The following NEO1 variants were observed in gnomAD, a reference collection of about 807,000 sequenced individuals.
The protein encoded by NEO1 is neogenin 1, also known as neogenin.
NEO1 carries 63 observed loss-of-function variants against 159.7 expected under a neutral mutation model. The observed-to-expected ratio is 0.39, with a 90% CI of 0.32 to 0.49. NEO1 has a LOEUF of 0.49. NEO1 is among the 20% of genes least tolerant of loss of function. The pLI is 0.85. For missense variants in NEO1, 1,615 were observed against 1,831.0 expected, an observed-to-expected ratio of 0.88 and a Z score of 2.15; for synonymous variants, 633 against 662.0, an observed-to-expected ratio of 0.96 and a Z score of 0.67.
intron 7 of NEO1, among the ~76,000 whole-genome samples, chr15:73,204,591 T>C (rs982658002): frequency 2.0e-5 from 3 of 152,202 alleles, no homozygotes; most frequent in Non-Finnish European, 4.4e-5. Context: ...GCATGCTTCA[T>C]TTTTTCTTTG....
At chr15:73,301,581 C>A (rs1019393397) in intron 28 of NEO1, 124 bp downstream of exon 28, 2 of 1,267,700 alleles carry the variant, frequency 1.6e-6, no homozygotes, top group Non-Finnish European at 1.1e-6. Context: ...GAAGCAGATA[C>A]ACTCATTCAT....
intron 8 of NEO1, among the ~76,000 whole-genome samples, chr15:73,236,900 G>A (rs1405195449): frequency 1.3e-5 from 2 of 152,104 alleles, no homozygotes; most frequent in African/African-American, 4.8e-5. Flanking sequence ...TCTCCTTGAT[G>A]GAATAAGAGT....
intron 5 of NEO1, among the ~76,000 whole-genome samples, chr15:73,155,596 G>A (rs79230898): frequency 3.3e-3 from 498 of 152,158 alleles, no homozygotes; most frequent in African/African-American, 0.011. Flanking sequence ...AGGAATACCC[G>A]TAATTCACAA....
chr15:73,236,326 G>A, intron 7 of NEO1, 21 bp from the exon 8 acceptor site: 1 of 1,614,090 alleles, frequency 6.2e-7, no homozygotes, highest in Non-Finnish European at 8.5e-7. Context: ...TCACTGACCA[G>A]TGCCACTACT....
chr15:73,222,477 G>A (rs1205553135), intron 7 of NEO1, among the ~76,000 whole-genome samples: 5 of 152,016 alleles, frequency 3.3e-5, no homozygotes, highest in Admixed American at 1.3e-4. Context: ...CCTGATTAAA[G>A]CTAGGAGGGT....
intron 7 of NEO1, among the ~76,000 whole-genome samples, chr15:73,213,604 C>T (rs544840223): frequency 9.3e-4 from 142 of 152,268 alleles, no homozygotes; most frequent in Non-Finnish European, 1.4e-3. Context: ...TTAATGCATT[C>T]CTTTCTGTGG....
chr15:73,064,352 TATTTAA>T, intron 1 of NEO1, among the ~76,000 whole-genome samples: 1 of 152,370 alleles, frequency 6.6e-6, no homozygotes, highest in Middle Eastern at 3.4e-3. Context: ...TGGCTTGTTC[TATTTAA>T]ATTAGTTCAT....
intron 1 of NEO1, among the ~76,000 whole-genome samples, chr15:73,089,097 CAAT>C: frequency 6.6e-6 from 1 of 152,198 alleles, no homozygotes; most frequent in East Asian, 1.9e-4. Context: ...AGTAATTCAA[CAAT>C]GTCAGATATT....
intron 1 of NEO1, among the ~76,000 whole-genome samples, chr15:73,090,949 G>A (rs1425030003): frequency 1.3e-5 from 2 of 152,090 alleles, no homozygotes; most frequent in Non-Finnish European, 2.9e-5. Context: ...TCCCAATTGC[G>A]TTATTGAGGC....
At chr15:73,067,062 C>T (rs551029254) in intron 1 of NEO1, among the ~76,000 whole-genome samples, 2 of 152,200 alleles carry the variant, frequency 1.3e-5, no homozygotes, top group Non-Finnish European at 2.9e-5. Flanking sequence ...ATGCCTCTTT[C>T]ATCATTTCTG....
chr15:73,282,868 A>C, intron 22 of NEO1, 96 bp from the exon 23 acceptor site: 1 of 1,412,514 alleles, frequency 7.1e-7, no homozygotes, highest in Non-Finnish European at 9.6e-7. Context: ...AGTGTTATCA[A>C]GAAGTTCACG....
chr15:73,178,564 G>A, intron 7 of NEO1, 137 bp downstream of exon 7: 1 of 908,632 alleles, frequency 1.1e-6, no homozygotes, highest in Non-Finnish European at 1.5e-6. Context: ...AAGAATAGCA[G>A]TCTAAATCAT....
intron 2 of NEO1, among the ~76,000 whole-genome samples, chr15:73,121,258 C>CAT (rs1471258682): frequency 1.3e-5 from 2 of 152,306 alleles, no homozygotes; most frequent in East Asian, 3.9e-4. Flanking sequence ...CCCAAGATTA[C>CAT]ATATTTCACT....
chr15:73,276,463 G>A (rs1472189015), intron 21 of NEO1, among the ~76,000 whole-genome samples: 1 of 152,158 alleles, frequency 6.6e-6, no homozygotes, highest in East Asian at 1.9e-4. Flanking sequence ...AAGCATATGA[G>A]GAACAACTGG....
intron 2 of NEO1, 104 bp from the exon 3 acceptor site, chr15:73,122,421 C>T (rs2071722496): frequency 6.7e-6 from 7 of 1,045,172 alleles, no homozygotes; most frequent in Non-Finnish European, 9.6e-6. Context: ...CCTGGTTCTG[C>T]CATATGTTGT....
intron 18 of NEO1, among the ~76,000 whole-genome samples, chr15:73,271,672 C>T (rs2084517883): frequency 4.6e-5 from 7 of 152,022 alleles, no homozygotes; most frequent in Admixed American, 4.6e-4. Context: ...TTTGGGAGGC[C>T]ATGGTGGGCG....
chr15:73,075,506 C>T (rs139229418), intron 1 of NEO1, among the ~76,000 whole-genome samples: 4 of 152,230 alleles, frequency 2.6e-5, no homozygotes, highest in East Asian at 1.9e-4. Context: ...TGATCCATCA[C>T]GAGGCAGACA....
intron 1 of NEO1, among the ~76,000 whole-genome samples, chr15:73,105,466 A>G (rs2070641144): frequency 6.6e-6 from 1 of 152,238 alleles, no homozygotes; most frequent in Admixed American, 6.5e-5. Context: ...CCTAAATAAC[A>G]GTATCATTAA....
chr15:73,202,664 T>C (rs533452280), intron 7 of NEO1, among the ~76,000 whole-genome samples: 1 of 152,340 alleles, frequency 6.6e-6, no homozygotes, highest in South Asian at 2.1e-4. Flanking sequence ...TAAAATTAAC[T>C]ATCTTAACTA....
Sources: gnomAD v4.1 joint callset for allele counts (sites outside exome capture counted in the v4.1 genomes callset) on GRCh38, gnomAD v4.1.1 for gene constraint, MANE v1.5 for transcripts, NCBI Gene and HGNC (gene_info 2026-07-23, HGNC 2026-07-21) for gene names.